DCAF8: variants seen among roughly 807,000 people sequenced by gnomAD.
The protein encoded by DCAF8 is DDB1 and CUL4 associated factor 8, also known as DDB1- and CUL4-associated factor 8.
Under a neutral mutation model 68.0 loss-of-function variants are expected in DCAF8, and 20 were observed. The observed-to-expected ratio is 0.29, with a 90% CI of 0.21 to 0.43. The LOEUF (loss-of-function observed/expected upper bound fraction) is 0.43. DCAF8 is among the 20% of genes least tolerant of loss of function. DCAF8 has a pLI of 1.00. For missense variants in DCAF8, 460 were observed against 771.0 expected, an observed-to-expected ratio of 0.60 and a Z score of 4.78; for synonymous variants, 230 against 276.9, an observed-to-expected ratio of 0.83 and a Z score of 1.68.
At chr1:160,248,428 C>T (rs1166731270) in intron 2 of DCAF8, among the ~76,000 whole-genome samples, 2 of 152,040 alleles carry the variant, frequency 1.3e-5, no homozygotes, top group South Asian at 2.1e-4. Flanking sequence ...ACCAGAATAT[C>T]CTTTAAAACT....
chr1:160,229,620 T>G (rs1655603880), intron 7 of DCAF8, among the ~76,000 whole-genome samples: 3 of 152,198 alleles, frequency 2.0e-5, no homozygotes, highest in South Asian at 4.1e-4. Context: ...GAGCTCTAAG[T>G]AGGAACTCTC....
chr1:160,225,658 T>C lies in DCAF8; in HGVS notation c.1076A>G (p.Tyr359Cys). The change falls in exon 8 of 14, where the codon TAT becomes TGT. Residue 359 changes from tyrosine to cysteine, a missense_variant. This residue lies in a region of DCAF8 where 170 missense variants were observed against 318.2 expected (regional missense o/e 0.53). Coordinates refer to ENST00000368074, the MANE Select transcript of DCAF8 (RefSeq NM_015726.4). ...ATTCTCATCAATTTTCCTCTGGTCA[T>C]AAATCCTACAGTTGGAAAAGCAATG... is the stretch of plus-strand genomic sequence containing the variant. ...VGGRDQFVRI[Y>C]DQRKIDENEN... 6.2e-7 allele frequency: 1 copy of C among 1,612,806 alleles called. No homozygotes were observed. The highest frequency in any genetic ancestry group is 8.5e-7 in the Non-Finnish European group (1 of 1,178,900).
At chr1:160,256,817 C>A (rs1656853802) in intron 2 of DCAF8, among the ~76,000 whole-genome samples, 1 of 152,196 alleles carries the variant, frequency 6.6e-6, no homozygotes, top group Non-Finnish European at 1.5e-5. Flanking sequence ...ATTAATTTAT[C>A]TGTATCATAA....
At chr1:160,225,210 A>C in intron 8 of DCAF8, 91 bp from the exon 9 acceptor site, 1 of 1,176,980 alleles carries the variant, frequency 8.5e-7, no homozygotes, top group Non-Finnish European at 1.2e-6. Flanking sequence ...ACTCCCCTAT[A>C]TCTTCTCCCA....
chr1:160,249,668 T>C (rs1656499823), intron 2 of DCAF8, among the ~76,000 whole-genome samples: 1 of 152,184 alleles, frequency 6.6e-6, no homozygotes, highest in African/African-American at 2.4e-5. Flanking sequence ...AAAATGTATG[T>C]CCACAAAATT....
At chr1:160,246,328 A>G (rs932693249) in intron 2 of DCAF8, among the ~76,000 whole-genome samples, 7 of 152,024 alleles carry the variant, frequency 4.6e-5, no homozygotes, top group African/African-American at 9.7e-5. Context: ...CCAAGCATCA[A>G]CTCCTACAGG....
chr1:160,221,902 A>C (rs1655309886), intron 11 of DCAF8, among the ~76,000 whole-genome samples: 1 of 150,620 alleles, frequency 6.6e-6, no homozygotes, highest in Non-Finnish European at 1.5e-5. Flanking sequence ...CTCGATTCTC[A>C]CTCTTCCTTT....
chr1:160,218,945 A>C lies in DCAF8; in HGVS notation c.1464T>G (p.Pro488=). 1 of 1,614,194 alleles carries C rather than the reference A, an allele frequency of 6.2e-7. No homozygotes were observed. Among genetic ancestry groups the C allele is most frequent in the Non-Finnish European group, 8.5e-7 (1 of 1,180,032 alleles). The change falls in exon 12 of 14, where the codon CCT becomes CCG. Residue 488 remains proline (P), a synonymous_variant. Transcript: ENST00000368074. The part of the protein sequence containing the change: ...GGVVNCLEPH[P]HLPVLATSGL... The stretch of plus-strand genomic sequence containing the variant: ...CACTGGTTGCCAGCACAGGCAGGTG[A>C]GGGTGGGGCTCAAGACAGTTTACCT...
rs200282728 is a variant in DCAF8, at chr1:160,262,239, AG to A, written c.-101+209del. 3.7e-4 allele frequency: 145 copies of A among 395,274 alleles called. 2 individuals are homozygous for A. Among genetic ancestry groups the A allele is most frequent in the Middle Eastern group, 3.2e-3 (5 of 1,584 alleles). The allele number at this position is 395,274 out of a possible 1,614,324, so 24.5% of individuals were successfully genotyped here. A position where few individuals can be genotyped will look rare whatever the true frequency, so the allele number is the denominator to read the frequency against. ...CTTAGGGGAAACCGGCTGGGAAGCG[AG>A]GGGGGGCGCAGGCCGAGCCGGAACG... is the stretch of plus-strand genomic sequence containing the variant. On this transcript the variant is annotated intron_variant, in intron 1 of 13. Coordinates refer to ENST00000368074, the MANE Select transcript of DCAF8 (RefSeq NM_015726.4).
intron 6 of DCAF8, among the ~76,000 whole-genome samples, chr1:160,235,322 C>T (rs993756489): frequency 2.6e-5 from 4 of 151,750 alleles, no homozygotes; most frequent in African/African-American, 7.3e-5. Flanking sequence ...TCAGTAGAGA[C>T]GAGGTTTCAC....
intron 3 of DCAF8, 120 bp downstream of exon 3, chr1:160,243,840 G>GGA: frequency 1.1e-6 from 1 of 950,604 alleles, no homozygotes; most frequent in Non-Finnish European, 1.6e-6. Flanking sequence ...CCTAAACTCA[G>GGA]AACAACACAG....
intron 1 of DCAF8, 82 bp downstream of exon 1, chr1:160,262,367 A>G: frequency 2.5e-6 from 1 of 399,672 alleles, no homozygotes; most frequent in East Asian, 3.6e-5. Context: ...GTCTTGGGTC[A>G]TCCTTCTGCT....
chr1:160,221,798 C>A (rs1385402247), intron 11 of DCAF8, among the ~76,000 whole-genome samples: 1 of 148,302 alleles, frequency 6.7e-6, no homozygotes, highest in Non-Finnish European at 1.5e-5. Flanking sequence ...CGATTGAACT[C>A]CTTCCTAATT....
chr1:160,247,829 T>C (rs1656403812), intron 2 of DCAF8, among the ~76,000 whole-genome samples: 1 of 152,170 alleles, frequency 6.6e-6, no homozygotes, highest in Admixed American at 6.5e-5. Context: ...AATCCATACA[T>C]TGTACAATAT....
intron 2 of DCAF8, among the ~76,000 whole-genome samples, chr1:160,254,871 A>C (rs1656766512): frequency 6.6e-6 from 1 of 152,090 alleles, no homozygotes; most frequent in Non-Finnish European, 1.5e-5. Flanking sequence ...TGTCAAACAG[A>C]CCTGGGTTTG....
intron 3 of DCAF8, among the ~76,000 whole-genome samples, chr1:160,240,961 G>A (rs1217256375): frequency 3.3e-5 from 5 of 152,088 alleles, no homozygotes; most frequent in Non-Finnish European, 5.9e-5. Flanking sequence ...TTAGGAGATC[G>A]AGACCATCCT....
At chr1:160,233,277 A>G (rs548787899) in intron 6 of DCAF8, among the ~76,000 whole-genome samples, 6 of 152,156 alleles carry the variant, frequency 3.9e-5, no homozygotes. Context: ...GACCAGGTGT[A>G]GTGGCTCATG....
At chr1:160,244,485 T>C (rs1656241037) in intron 2 of DCAF8, among the ~76,000 whole-genome samples, 1 of 152,196 alleles carries the variant, frequency 6.6e-6, no homozygotes, top group Admixed American at 6.5e-5. Context: ...AACACTTGTT[T>C]TCACAACATA....
At chr1:160,255,256 G>C in intron 2 of DCAF8, among the ~76,000 whole-genome samples, 1 of 152,130 alleles carries the variant, frequency 6.6e-6, no homozygotes, top group South Asian at 2.1e-4. Context: ...CACAATATAA[G>C]CCTCCCTAAG....
Sources: gnomAD v4.1 joint callset for allele counts (sites outside exome capture counted in the v4.1 genomes callset) on GRCh38, gnomAD v4.1.1 for gene constraint, gnomAD v4.1.1 regional missense constraint, MANE v1.5 for transcripts, NCBI Gene and HGNC (gene_info 2026-07-23, HGNC 2026-07-21) for gene names.